The following TENM2 variants were observed in gnomAD, a reference collection of about 807,000 sequenced individuals.
The protein encoded by TENM2 is teneurin-2.
Under a neutral mutation model 245.2 loss-of-function variants are expected in TENM2, and 52 were observed. The ratio of observed to expected loss-of-function variants is 0.21; its 90% CI spans 0.17 to 0.27. TENM2 has a LOEUF of 0.27. TENM2 is among the 10% of genes least tolerant of loss of function. The pLI is 1.00. For synonymous variants in TENM2, 1,363 were observed against 1,438.9 expected, an observed-to-expected ratio of 0.95 and a Z score of 1.19; for missense variants, 3,046 against 3,666.8, an observed-to-expected ratio of 0.83 and a Z score of 4.37.
the TENM2 span, among the ~76,000 whole-genome samples, chr5:167,013,910 A>G: frequency 6.6e-6 from 1 of 152,208 alleles, no homozygotes; most frequent in Non-Finnish European, 1.5e-5. Flanking sequence ...TGGTAAGGGA[A>G]TGTCGAGGAG....
chr5:167,408,856 G>A (rs1460865187), intron 2 of TENM2, among the ~76,000 whole-genome samples: 1 of 149,944 alleles, frequency 6.7e-6, no homozygotes, highest in Admixed American at 6.7e-5. Context: ...ATATGACAGA[G>A]TATCTTACAT....
intron 2 of TENM2, among the ~76,000 whole-genome samples, chr5:167,485,703 C>A (rs557300334): frequency 6.6e-6 from 1 of 151,920 alleles, no homozygotes; most frequent in Non-Finnish European, 1.5e-5. Flanking sequence ...GCCACTATGA[C>A]GCCAAATGCC....
At chr5:167,389,425 T>A (rs1337641577) in intron 2 of TENM2, among the ~76,000 whole-genome samples, 1 of 151,974 alleles carries the variant, frequency 6.6e-6, no homozygotes, top group Non-Finnish European at 1.5e-5. Flanking sequence ...GTTGGCATGT[T>A]TTACATGCCC....
intron 2 of TENM2, among the ~76,000 whole-genome samples, chr5:167,776,607 A>G (rs1359487709): frequency 3.1e-5 from 3 of 96,324 alleles, no homozygotes; most frequent in African/African-American, 4.7e-5. Context: ...AAAAAAAAAA[A>G]AAAAAAAAAA....
At chr5:167,312,771 G>A (rs928884125) in intron 1 of TENM2, among the ~76,000 whole-genome samples, 25 of 151,788 alleles carry the variant, frequency 1.6e-4, no homozygotes, top group African/African-American at 6.0e-4. Context: ...TTAGTTTTGT[G>A]TGATGCTGCT....
At chr5:168,107,564 G>C (rs767221735) in intron 9 of TENM2, among the ~76,000 whole-genome samples, 3 of 150,796 alleles carry the variant, frequency 2.0e-5, no homozygotes, top group Non-Finnish European at 4.4e-5. Flanking sequence ...CTGGGGGGGG[G>C]GTCTGATGCA....
chr5:167,219,046 A>T, the TENM2 span, among the ~76,000 whole-genome samples: 1 of 152,210 alleles, frequency 6.6e-6, no homozygotes, highest in Non-Finnish European at 1.5e-5. Flanking sequence ...ACTGTCTGTC[A>T]AATCAGAAAC....
At chr5:167,163,948 T>C in the TENM2 span, among the ~76,000 whole-genome samples, 6 of 152,216 alleles carry the variant, frequency 3.9e-5, no homozygotes, top group Non-Finnish European at 7.3e-5. Context: ...GAGCCCTCCA[T>C]GAGCCTTCAC....
intron 23 of TENM2, among the ~76,000 whole-genome samples, chr5:168,219,942 G>A (rs1763527643): frequency 6.6e-6 from 1 of 151,954 alleles, no homozygotes; most frequent in Admixed American, 6.6e-5. Flanking sequence ...ATGGTCTTGG[G>A]AGAATGTAAA....
chr5:167,409,852 T>G (rs946377970), intron 2 of TENM2, among the ~76,000 whole-genome samples: 2 of 151,984 alleles, frequency 1.3e-5, no homozygotes, highest in South Asian at 4.1e-4. Context: ...TTAACACTGA[T>G]GATGCTATTT....
At chr5:167,234,695 A>G in the TENM2 span, among the ~76,000 whole-genome samples, 1 of 152,224 alleles carries the variant, frequency 6.6e-6, no homozygotes, top group Non-Finnish European at 1.5e-5. Flanking sequence ...TACATTTCAA[A>G]ACAAATAGAA....
intron 3 of TENM2, among the ~76,000 whole-genome samples, chr5:167,931,824 C>T (rs752544062): frequency 5.9e-5 from 9 of 152,164 alleles, no homozygotes; most frequent in East Asian, 1.9e-4. Flanking sequence ...TTTCCCTTAT[C>T]GCAGATTAAT....
At chr5:167,173,616 T>A in the TENM2 span, among the ~76,000 whole-genome samples, 6 of 152,112 alleles carry the variant, frequency 3.9e-5, no homozygotes, top group African/African-American at 1.2e-4. Context: ...CCTAAGTTAA[T>A]GAAGGAAGAG....
rs559286255 is a variant in TENM2 at position 167,995,394 on chromosome 5, C to T, written c.1186+2212C>T. Among the ~76,000 whole-genome samples the T allele has an allele frequency of 3.3e-5, 5 of 152,286 alleles. No homozygotes were observed. In the South Asian group the frequency reaches 6.2e-4, roughly 19 times the overall value. Reference sequence around the variant, plus strand: ...TTAGCATCGTTTATTAGTTCATAATCCATCATTTCCTATTATGTATTCTTT... The same window carrying T: ...TTAGCATCGTTTATTAGTTCATAATTCATCATTTCCTATTATGTATTCTTT... On this transcript the variant is annotated intron_variant, in intron 5 of 28. Transcript: ENST00000518659.
At chr5:168,082,958 G>A (rs1239097510) in intron 7 of TENM2, among the ~76,000 whole-genome samples, 2 of 152,170 alleles carry the variant, frequency 1.3e-5, no homozygotes, top group African/African-American at 4.8e-5. Flanking sequence ...CATGCTGGGA[G>A]AAGCACTACT....
At chr5:167,545,090 C>T (rs186218860) in intron 2 of TENM2, among the ~76,000 whole-genome samples, 11 of 152,160 alleles carry the variant, frequency 7.2e-5, no homozygotes, top group African/African-American at 2.6e-4. Flanking sequence ...AGCTGTTATG[C>T]TATGTAAAGA....
At chr5:167,009,060 G>A in the TENM2 span, among the ~76,000 whole-genome samples, 8 of 152,146 alleles carry the variant, frequency 5.3e-5, no homozygotes, top group Non-Finnish European at 5.9e-5. Context: ...ACCAGAAAAC[G>A]TGAGAGGATC....
At chr5:167,140,301 G>A in the TENM2 span, among the ~76,000 whole-genome samples, 6 of 152,276 alleles carry the variant, frequency 3.9e-5, no homozygotes, top group Middle Eastern at 0.017. Context: ...GAATAATAAA[G>A]AAGCCAATTG....
chr5:167,247,863 A>G, the TENM2 span, among the ~76,000 whole-genome samples: 1 of 152,198 alleles, frequency 6.6e-6, no homozygotes, highest in Non-Finnish European at 1.5e-5. Context: ...AATGTTGGTA[A>G]TTATTTGATA....
Sources: allele counts gnomAD v4.1 joint callset (sites outside exome capture counted in the v4.1 genomes callset), GRCh38; gene constraint gnomAD v4.1.1; transcripts MANE v1.5; gene names NCBI Gene and HGNC (gene_info 2026-07-23, HGNC 2026-07-21).